TAFA1: variants seen among roughly 807,000 people sequenced by gnomAD.
TAFA1 encodes the protein chemokine-like protein TAFA-1.
A neutral mutation model predicts 18.5 loss-of-function variants in TAFA1; 4 were observed. The ratio of observed to expected loss-of-function variants is 0.22; its 90% CI spans 0.11 to 0.49. The LOEUF (loss-of-function observed/expected upper bound fraction) is 0.49. Among genes scored for constraint, TAFA1 ranks in the 20% least tolerant of loss-of-function variants. TAFA1 has a pLI of 0.98. For synonymous variants in TAFA1, 56 were observed against 55.2 expected (o/e 1.01, Z -0.06); for missense variants, 147 against 169.0 (o/e 0.87, Z 0.72).
At chr3:68,300,698 G>A (rs1040215506) in intron 2 of TAFA1, among the ~76,000 whole-genome samples, 20 of 152,242 alleles carry the variant, frequency 1.3e-4, no homozygotes, top group African/African-American at 4.1e-4. Context: ...TAATCATCAC[G>A]TGTCAAGGGA....
chr3:68,494,490 C>T (rs185920707), intron 3 of TAFA1, among the ~76,000 whole-genome samples: 1 of 152,156 alleles, frequency 6.6e-6, no homozygotes. Context: ...ATATCCCAAT[C>T]TCCCTCACAG....
intron 2 of TAFA1, among the ~76,000 whole-genome samples, chr3:68,348,523 A>G (rs1380653426): frequency 2.0e-5 from 3 of 152,076 alleles, no homozygotes; most frequent in Non-Finnish European, 4.4e-5. Flanking sequence ...GCTACCTGAG[A>G]CCTATTTTCC....
intron 2 of TAFA1, among the ~76,000 whole-genome samples, chr3:68,126,205 C>A (rs763623568): frequency 6.6e-6 from 1 of 152,154 alleles, no homozygotes; most frequent in Non-Finnish European, 1.5e-5. Flanking sequence ...CTGTAAACTC[C>A]ATTTGTCCTG....
chr3:68,353,365 C>T (rs759739016), intron 2 of TAFA1, among the ~76,000 whole-genome samples: 18 of 152,048 alleles, frequency 1.2e-4, no homozygotes, highest in African/African-American at 4.1e-4. Context: ...CCTGATATAG[C>T]GTGTAAGCCA....
chr3:68,036,906 C>A (rs565246265), intron 2 of TAFA1, among the ~76,000 whole-genome samples: 1 of 152,264 alleles, frequency 6.6e-6, no homozygotes, highest in South Asian at 2.1e-4. Flanking sequence ...TTCATTTGTA[C>A]AATCATTCAC....
At chr3:68,043,531 A>G (rs1705210117) in intron 2 of TAFA1, among the ~76,000 whole-genome samples, 1 of 152,260 alleles carries the variant, frequency 6.6e-6, no homozygotes, top group Non-Finnish European at 1.5e-5. Context: ...CAGAAGCCAC[A>G]CATGAAAAAT....
At chr3:68,197,510 A>G (rs1342746457) in intron 2 of TAFA1, among the ~76,000 whole-genome samples, 2 of 151,646 alleles carry the variant, frequency 1.3e-5, no homozygotes, top group East Asian at 2.0e-4. Context: ...ATTCAGGACC[A>G]CGGTGGCTTT....
At chr3:68,061,536 G>A (rs1179825622) in intron 2 of TAFA1, among the ~76,000 whole-genome samples, 1 of 152,144 alleles carries the variant, frequency 6.6e-6, no homozygotes, top group African/African-American at 2.4e-5. Flanking sequence ...ATTAAAGAGG[G>A]TACAGGCAGG....
intron 2 of TAFA1, among the ~76,000 whole-genome samples, chr3:68,154,569 T>A (rs991368018): frequency 4.6e-5 from 7 of 152,218 alleles, no homozygotes; most frequent in Non-Finnish European, 7.3e-5. Flanking sequence ...TCCTTGAGGC[T>A]TATGTGTCTC....
At chr3:68,143,843 A>G (rs1301551027) in intron 2 of TAFA1, among the ~76,000 whole-genome samples, 2 of 152,184 alleles carry the variant, frequency 1.3e-5, no homozygotes, top group Non-Finnish European at 2.9e-5. Context: ...GATCCCTGCC[A>G]ATCCTAGAAT....
At chr3:68,236,693 A>C (rs1033017389) in intron 2 of TAFA1, among the ~76,000 whole-genome samples, 5 of 152,222 alleles carry the variant, frequency 3.3e-5, no homozygotes, top group Non-Finnish European at 7.3e-5. Flanking sequence ...TGTATTTCTT[A>C]AAGTGGGCTT....
At chr3:68,059,381 C>T (rs1487616778) in intron 2 of TAFA1, among the ~76,000 whole-genome samples, 1 of 152,102 alleles carries the variant, frequency 6.6e-6, no homozygotes, top group African/African-American at 2.4e-5. Flanking sequence ...GAAACTGAGA[C>T]AGAAAGGCTA....
intron 2 of TAFA1, among the ~76,000 whole-genome samples, chr3:68,047,490 C>T (rs2064403921): frequency 6.6e-6 from 1 of 152,164 alleles, no homozygotes; most frequent in South Asian, 2.1e-4. Context: ...AAGCCCTCAT[C>T]TCTGAAATGA....
At chr3:68,364,081 G>A (rs963996416) in intron 2 of TAFA1, among the ~76,000 whole-genome samples, 1 of 152,154 alleles carries the variant, frequency 6.6e-6, no homozygotes, top group Non-Finnish European at 1.5e-5. Context: ...AAAAAGCTGA[G>A]AAATTTACCC....
intron 2 of TAFA1, among the ~76,000 whole-genome samples, chr3:68,321,295 A>G (rs746667004): frequency 1.3e-5 from 2 of 152,134 alleles, no homozygotes; most frequent in African/African-American, 4.8e-5. Context: ...TAAAATGGGG[A>G]TAATCATAGC....
At chr3:68,291,552 A>G (rs1421176959) in intron 2 of TAFA1, among the ~76,000 whole-genome samples, 1 of 152,078 alleles carries the variant, frequency 6.6e-6, no homozygotes, top group Non-Finnish European at 1.5e-5. Flanking sequence ...CAGAACTTAT[A>G]CTCTTAACTA....
intron 2 of TAFA1, among the ~76,000 whole-genome samples, chr3:68,414,750 T>C (rs750961241): frequency 1.3e-5 from 2 of 152,202 alleles, no homozygotes; most frequent in Non-Finnish European, 1.5e-5. Context: ...GTCAGTATTA[T>C]TTAACTCAGT....
intron 3 of TAFA1, among the ~76,000 whole-genome samples, chr3:68,536,575 G>C (rs922277539): frequency 1.3e-5 from 2 of 152,170 alleles, no homozygotes; most frequent in Non-Finnish European, 2.9e-5. Flanking sequence ...AGGTGGATTT[G>C]GGAAGAGCTA....
At chr3:68,067,523 A>C (rs988768539) in intron 2 of TAFA1, among the ~76,000 whole-genome samples, 1 of 152,364 alleles carries the variant, frequency 6.6e-6, no homozygotes, top group Middle Eastern at 3.4e-3. Flanking sequence ...AGGTAATACA[A>C]GCACTTAGTT....
Sources: allele counts gnomAD v4.1 joint callset (sites outside exome capture counted in the v4.1 genomes callset), GRCh38; gene constraint gnomAD v4.1.1; transcripts MANE v1.5; gene names NCBI Gene and HGNC (gene_info 2026-07-23, HGNC 2026-07-21).